Variants in CTC1 observed in about 807,000 individuals in gnomAD.
CTC1 encodes the protein CST complex subunit CTC1.
Under a neutral mutation model 136.3 loss-of-function variants are expected in CTC1, and 91 were observed. The ratio of observed to expected loss-of-function variants is 0.67; its 90% CI spans 0.56 to 0.79. The LOEUF (loss-of-function observed/expected upper bound fraction) is 0.79. CTC1 is among the 30% of genes least tolerant of loss of function. CTC1 has a pLI of 0.00. For synonymous variants in CTC1, 606 were observed against 613.8 expected, an observed-to-expected ratio of 0.99 and a Z score of 0.19; for missense variants, 1,432 against 1,498.1, an observed-to-expected ratio of 0.96 and a Z score of 0.73.
chr17:8,235,550 G>A (rs1033303924), intron 7 of CTC1, among the ~76,000 whole-genome samples: 1 of 152,092 alleles, frequency 6.6e-6, no homozygotes, highest in Non-Finnish European at 1.5e-5. Context: ...GGTCGCCTGA[G>A]ATCACCCCAG....
At chr17:8,231,246 A>G (rs780923326) in intron 15 of CTC1, 30 bp downstream of exon 15, 3 of 1,483,022 alleles carry the variant, frequency 2.0e-6, no homozygotes, top group Non-Finnish European at 2.7e-6. Context: ...GAGTGGCCAA[A>G]TTAACCAGAG....
rs1372540108 is a variant in CTC1 at position 8,226,820 on chromosome 17, G to C, written c.*1360C>G. 1.3e-5 allele frequency: 2 copies of C among 151,660 alleles called. No individual in the cohort carries two copies. Among genetic ancestry groups the C allele is most frequent in the Non-Finnish European group, 2.9e-5 (2 of 68,036 alleles). The allele number at this position is 151,660 out of a possible 1,614,324, so 9.4% of individuals were successfully genotyped here. ...GCACGTGAACCTTCCTTTCACCCGG[G>C]TGCCCAGAGACTCCTCCCTCCAAGC... On this transcript the variant is annotated 3_prime_UTR_variant, in exon 23 of 23. Coordinates refer to ENST00000651323, the MANE Select transcript of CTC1 (RefSeq NM_025099.6).
At position 8,233,768 on chromosome 17, in the gene CTC1, A is replaced by C. The variant is rs535623474; in HGVS notation, c.1818+687T>G. ...GGGTGACAGAGCAAGATTCTGTCCC[A>C]AAAAAATAAAAAAATAAAATTAGCC... On this transcript the variant is annotated intron_variant, in intron 10 of 22. Transcript: ENST00000651323. Among the ~76,000 whole-genome samples, 6 of 151,304 alleles carry C rather than the reference A, an allele frequency of 4.0e-5. No homozygotes were observed. In the South Asian group the frequency reaches 1.0e-3, roughly 26 times the overall value.
At position 8,248,021 on chromosome 17, in the gene CTC1, C is replaced by G. The variant is rs753797185; in HGVS notation, c.16G>C (p.Ala6Pro). MAAGR[A>P]QVPSSEQAWL... ...GCACTCACGGAGGAAGGGACCTGGG[C>G]CCGGCCAGCCGCCATGATGCGCCGG... The change falls in exon 1 of 23, where the codon GCC becomes CCC. Residue 6 changes from alanine to proline, a missense_variant. Coordinates refer to ENST00000651323, the MANE Select transcript of CTC1 (RefSeq NM_025099.6). 7 of 1,609,084 alleles carry G rather than the reference C, an allele frequency of 4.4e-6. No individual in the cohort carries two copies. The highest frequency in any genetic ancestry group is 5.1e-6 in the Non-Finnish European group (6 of 1,177,970).
chr17:8,238,263 G>C, intron 3 of CTC1, 21 bp from the exon 4 acceptor site: 1 of 1,584,036 alleles, frequency 6.3e-7, no homozygotes, highest in Admixed American at 1.7e-5. Flanking sequence ...CCAAGAGCAA[G>C]GGTTAATCAG....
intron 2 of CTC1, among the ~76,000 whole-genome samples, chr17:8,242,568 A>G (rs1988361560): frequency 6.9e-6 from 1 of 144,656 alleles, no homozygotes; most frequent in Admixed American, 6.9e-5. Flanking sequence ...ATATATATAT[A>G]TATATATATA....
Position 8,226,873 on chromosome 17 carries a change from T to C in CTC1, c.*1307A>G, listed in dbSNP as rs1819415530. The C allele has an allele frequency of 6.6e-6, 1 of 152,062 alleles. No individual in the cohort carries two copies. Among genetic ancestry groups the C allele is most frequent in the Admixed American group, 6.5e-5 (1 of 15,274 alleles). 9.4% of individuals were successfully genotyped at this position (152,062 alleles called of 1,614,324 possible). On this transcript the variant is annotated 3_prime_UTR_variant, in exon 23 of 23. Coordinates refer to ENST00000651323, the MANE Select transcript of CTC1 (RefSeq NM_025099.6). ...TCGGGAGCGCTAGTGATTCAGGGAA[T>C]AGGAAGCAGTAGGTGCAATATAATT...
In CTC1 at chr17:8,231,942, C is replaced by A. The variant is rs769142502; in HGVS notation, c.2346G>T (p.Gly782=). 1.2e-6 allele frequency: 2 copies of A among 1,612,492 alleles called. No individual in the cohort carries two copies. The highest frequency in any genetic ancestry group is 1.7e-6 in the Non-Finnish European group (2 of 1,179,330). The part of the protein sequence containing the change: ...GTQRKEGTGW[G]LPEPQGNDDN... ...CGTCATTTCCCTGGGGCTCGGGCAG[C>A]CCCCATCCAGTACCCTCCTTCCTCT... Residue 782 remains glycine (G), a synonymous_variant, in exon 13 of 23, where the codon GGG becomes GGT. Coordinates refer to ENST00000651323, the MANE Select transcript of CTC1 (RefSeq NM_025099.6).
chr17:8,231,547 T>C lies in CTC1; in HGVS notation c.2476-78A>G, dbSNP rs1567602615. The C allele has an allele frequency of 2.1e-6, 3 of 1,420,432 alleles. No homozygotes were observed. In the East Asian group the frequency reaches 6.9e-5, roughly 33 times the overall value. The allele number at this position is 1,420,432 out of a possible 1,614,324, so 88.0% of individuals were successfully genotyped here. A position where few individuals can be genotyped will look rare whatever the true frequency, so the allele number is the denominator to read the frequency against. Reference sequence around the variant, plus strand: ...AGGTTCACAAAACATTCTGACCCAATTTTGTTCTTTCTGGAGCATGGAGAA... The same window carrying C: ...AGGTTCACAAAACATTCTGACCCAACTTTGTTCTTTCTGGAGCATGGAGAA... On this transcript the variant is annotated intron_variant, in intron 14 of 22. Coordinates refer to ENST00000651323, the MANE Select transcript of CTC1 (RefSeq NM_025099.6).
Position 8,235,200 on chromosome 17 carries a change from A to G in CTC1, c.1292T>C (p.Leu431Pro). The G allele has an allele frequency of 3.1e-6, 5 of 1,614,186 alleles. No individual in the cohort carries two copies. The highest frequency in any genetic ancestry group is 4.2e-6 in the Non-Finnish European group (5 of 1,180,026). Residue 431 changes from leucine (L) to proline (P), a missense_variant, in exon 8 of 23, where the codon CTT (leucine) becomes CCT (proline). Physicochemically the swap from Leu to Pro is moderately conservative, Grantham distance 98. Coordinates refer to ENST00000651323, the MANE Select transcript of CTC1 (RefSeq NM_025099.6). ...LAPCLRGAVL[L>P]QSFSRQKPGA... ...AGGCTTCTGACGAGAGAAGCTTTGA[A>G]GCAGAACGGCGCCACGGAGGCAGGG...
Position 8,235,080 on chromosome 17 carries a change from G to C in CTC1, c.1412C>G (p.Thr471Ser), listed in dbSNP as rs752288993. Reference sequence around the variant, plus strand: ...GCAGGCCAGCTCCTCCAGGGCCTTGGTAGCCCACAGGTAGAGGGGAAGTCC... The same window carrying C: ...GCAGGCCAGCTCCTCCAGGGCCTTGCTAGCCCACAGGTAGAGGGGAAGTCC... ...QLGLPLYLWA[T>S]KALEELACKL... The change falls in exon 8 of 23, where the codon ACC becomes AGC. Residue 471 changes from threonine to serine, a missense_variant. Transcript: ENST00000651323. 3.7e-6 allele frequency: 6 copies of C among 1,614,018 alleles called. No individual in the cohort carries two copies. In the African/African-American group the frequency reaches 6.7e-5, roughly 18 times the overall value.
rs369789111 is a variant in CTC1 at position 8,238,569 on chromosome 17, C to T, written c.258G>A (p.Ser86=). The change falls in exon 3 of 23, where the codon TCG becomes TCA. Residue 86 remains serine, a synonymous_variant. Coordinates refer to ENST00000651323, the MANE Select transcript of CTC1 (RefSeq NM_025099.6). The stretch of plus-strand genomic sequence containing the variant: ...AGGCCTGGTATGCACTACTGCTCCA[C>T]GACAGGTGGCTGCAGCATGGGAGAC... The part of the protein sequence containing the change: ...HQRLPCCSHL[S]WSSSAYQAWA... 4.8e-5 allele frequency: 78 copies of T among 1,613,866 alleles called. No homozygotes were observed. Among genetic ancestry groups the T allele is most frequent in the East Asian group, 2.2e-4 (10 of 44,896 alleles).
intron 10 of CTC1, 100 bp from the exon 11 acceptor site, chr17:8,233,132 G>T: frequency 6.9e-6 from 9 of 1,309,302 alleles, no homozygotes; most frequent in East Asian, 2.5e-5. Flanking sequence ...GCTACAAAAT[G>T]AACAAAAAAG....
intron 1 of CTC1, among the ~76,000 whole-genome samples, chr17:8,243,612 T>C (rs1408239562): frequency 6.6e-6 from 1 of 152,202 alleles, no homozygotes; most frequent in Non-Finnish European, 1.5e-5. Context: ...TTAAAAGTCT[T>C]AGTCCAGCCA....
intron 2 of CTC1, among the ~76,000 whole-genome samples, chr17:8,241,995 G>T (rs74392424): frequency 0.1 from 15,498 of 151,600 alleles, 1,317 homozygotes; most frequent in East Asian, 0.3. Flanking sequence ...AATATTTATT[G>T]GAATAATATA....
At chr17:8,241,665 C>T (rs1211495568) in intron 2 of CTC1, among the ~76,000 whole-genome samples, 1 of 150,680 alleles carries the variant, frequency 6.6e-6, no homozygotes, top group Non-Finnish European at 1.5e-5. Context: ...ATGCCAACAC[C>T]TTGGGAGGCC....
rs772415219 is a variant in CTC1, at chr17:8,229,369, T to C, written c.3089A>G (p.His1030Arg). The stretch of plus-strand genomic sequence containing the variant: ...CTGAAGGCTGAAGACAGAGACGATA[T>C]GGCAAGAGGCAGTGGCCTGGAATGG... The part of the protein sequence containing the change: ...QSPFQATASC[H>R]IVSVFSLQLF... Residue 1030 changes from histidine (H) to arginine (R), a missense_variant, in exon 19 of 23, where the codon CAT becomes CGT. Transcript: ENST00000651323. 2 of 1,614,108 alleles carry C rather than the reference T, an allele frequency of 1.2e-6. No individual in the cohort carries two copies. Among genetic ancestry groups the C allele is most frequent in the South Asian group, 1.1e-5 (1 of 91,082 alleles).
chr17:8,228,479 T>C (rs1053378254), intron 22 of CTC1, 24 bp downstream of exon 22: 9 of 1,613,986 alleles, frequency 5.6e-6, no homozygotes, highest in Non-Finnish European at 7.6e-6. Flanking sequence ...CCTATCATCA[T>C]GATCCCCCCG....
At position 8,234,902 on chromosome 17, in the gene CTC1, G is replaced by A. The variant is rs1446615004; in HGVS notation, c.1464C>T (p.His488=). The A allele has an allele frequency of 1.2e-6, 2 of 1,606,868 alleles. No individual in the cohort carries two copies. The highest frequency in any genetic ancestry group is 1.7e-6 in the Non-Finnish European group (2 of 1,176,276). ...GAGAGGAATGTTGCAGGAACTGGTG[G>A]TGTCTCAGCACATGGGGACACAGCC... ...ACKLCPHVLR[H]HQFLQHSSPG... Residue 488 remains histidine, a synonymous_variant, in exon 9 of 23, where the codon CAC becomes CAT. Transcript: ENST00000651323.
Sources: gnomAD v4.1 joint callset for allele counts (sites outside exome capture counted in the v4.1 genomes callset) on GRCh38, gnomAD v4.1.1 for gene constraint, MANE v1.5 for transcripts, NCBI Gene and HGNC (gene_info 2026-07-23, HGNC 2026-07-21) for gene names.